The following AKAP6 variants were observed in gnomAD, a reference collection of about 807,000 sequenced individuals.
AKAP6 encodes the protein A-kinase anchor protein 6.
Under a neutral mutation model 188.5 loss-of-function variants are expected in AKAP6, and 58 were observed. The ratio of observed to expected loss-of-function variants is 0.31; its 90% CI spans 0.25 to 0.38. The LOEUF is 0.38. Ranked by LOEUF, AKAP6 falls within the 10% of genes least tolerant of loss-of-function variation. AKAP6 has a pLI of 1.00. For synonymous variants in AKAP6, 989 were observed against 998.6 expected (o/e 0.99, Z 0.18); for missense variants, 2,710 against 2,740.0 (o/e 0.99, Z 0.24).
intron 7 of AKAP6, among the ~76,000 whole-genome samples, chr14:32,623,470 C>T (rs1886893748): frequency 1.3e-5 from 2 of 152,082 alleles, no homozygotes; most frequent in South Asian, 4.2e-4. Flanking sequence ...ACTTCTTACC[C>T]ATTAATTCTG....
chr14:32,543,349 A>G (rs971729258), intron 3 of AKAP6, among the ~76,000 whole-genome samples: 2 of 152,224 alleles, frequency 1.3e-5, no homozygotes, highest in Admixed American at 6.5e-5. Context: ...CTTCAAGCTC[A>G]TACATGTTGT....
chr14:32,353,337 CAG>C (rs1421868243), intron 1 of AKAP6, among the ~76,000 whole-genome samples: 4 of 152,076 alleles, frequency 2.6e-5, no homozygotes, highest in Admixed American at 6.6e-5. Context: ...CCGAGGTGGG[CAG>C]ACATGAGGTC....
chr14:32,824,017 G>T lies in AKAP6; in HGVS notation c.6204G>T (p.Ser2068=). Residue 2068 remains serine (S), a synonymous_variant, in exon 13 of 14, where the codon TCG becomes TCT. Transcript: ENST00000280979. ...NFVKEIIDMA[S]TALKSKSQPE... ...TTAAGGAAATCATTGACATGGCTTC[G>T]ACAGCCCTAAAAAGTAAATCTCAAC... 6.2e-7 allele frequency: 1 copy of T among 1,613,860 alleles called. No individual in the cohort carries two copies.
At chr14:32,771,103 A>C (rs1338943422) in intron 11 of AKAP6, among the ~76,000 whole-genome samples, 2 of 152,202 alleles carry the variant, frequency 1.3e-5, no homozygotes, top group African/African-American at 2.4e-5. Flanking sequence ...TTTTATTATG[A>C]ATTTTTGATT....
chr14:32,779,221 C>A (rs2033162277), intron 12 of AKAP6, among the ~76,000 whole-genome samples: 1 of 151,672 alleles, frequency 6.6e-6, no homozygotes, highest in African/African-American at 2.4e-5. Flanking sequence ...CATGGTGAAA[C>A]CCCGTCACTA....
chr14:32,815,680 A>G (rs2034359647), intron 12 of AKAP6, among the ~76,000 whole-genome samples: 1 of 152,298 alleles, frequency 6.6e-6, no homozygotes, highest in East Asian at 1.9e-4. Flanking sequence ...AGTCTTAAAC[A>G]CTGTTAACGG....
chr14:32,501,676 A>G (rs1431957800), intron 2 of AKAP6, among the ~76,000 whole-genome samples: 3 of 152,160 alleles, frequency 2.0e-5, no homozygotes, highest in African/African-American at 7.2e-5. Flanking sequence ...ATTGATGCCC[A>G]GGCAGATTAA....
chr14:32,601,037 TAAGGGTGAGAGA>T (rs1253586718), intron 7 of AKAP6, among the ~76,000 whole-genome samples: 6 of 152,214 alleles, frequency 3.9e-5, no homozygotes, highest in African/African-American at 1.4e-4. Context: ...GACAGTACTT[TAAGGGTGAGAGA>T]AAGGGGGACA....
At chr14:32,555,303 G>C (rs1369997242) in intron 4 of AKAP6, among the ~76,000 whole-genome samples, 3 of 149,500 alleles carry the variant, frequency 2.0e-5, no homozygotes, top group African/African-American at 7.6e-5. Context: ...TGAAGGTAGA[G>C]AAGTTTTTCC....
intron 2 of AKAP6, among the ~76,000 whole-genome samples, chr14:32,504,117 A>G (rs1880741850): frequency 6.6e-6 from 1 of 151,888 alleles, no homozygotes; most frequent in South Asian, 2.1e-4. Context: ...AGTACTTTAA[A>G]GTTTTCTTCA....
At chr14:32,494,388 A>G (rs1474570245) in intron 2 of AKAP6, 1 of 152,182 alleles carries the variant, frequency 6.6e-6, no homozygotes, top group Non-Finnish European at 1.5e-5. Context: ...AGGAGGCACT[A>G]TGCGTTTTCC....
chr14:32,383,087 A>ATGTGTG (rs3031402), intron 1 of AKAP6, among the ~76,000 whole-genome samples: 96 of 143,266 alleles, frequency 6.7e-4, no homozygotes, highest in African/African-American at 1.4e-3. Flanking sequence ...GGCAGATTTT[A>ATGTGTG]TGTGTGTGTG....
chr14:32,593,509 G>C (rs1460793894), intron 5 of AKAP6, among the ~76,000 whole-genome samples: 2 of 152,180 alleles, frequency 1.3e-5, no homozygotes, highest in Admixed American at 6.5e-5. Flanking sequence ...AAAAATAGAA[G>C]GGACACATCT....
intron 12 of AKAP6, among the ~76,000 whole-genome samples, chr14:32,808,821 T>C (rs1400842480): frequency 3.3e-5 from 5 of 152,210 alleles, no homozygotes; most frequent in Admixed American, 3.3e-4. Flanking sequence ...TCATGTTTGG[T>C]GTGCAGTAAT....
intron 2 of AKAP6, among the ~76,000 whole-genome samples, chr14:32,436,830 G>A (rs566786977): frequency 6.6e-6 from 1 of 152,218 alleles, no homozygotes; most frequent in South Asian, 2.1e-4. Context: ...CAGCTTCTCT[G>A]GAGGCTGAGA....
At chr14:32,397,933 T>C (rs1322470898) in intron 1 of AKAP6, among the ~76,000 whole-genome samples, 1 of 152,212 alleles carries the variant, frequency 6.6e-6, no homozygotes, top group Non-Finnish European at 1.5e-5. Context: ...CTGTCTCTTT[T>C]TACTTTTCAT....
chr14:32,755,033 CATG>C (rs1357615670), intron 11 of AKAP6, among the ~76,000 whole-genome samples: 2 of 152,032 alleles, frequency 1.3e-5, no homozygotes, highest in African/African-American at 4.8e-5. Context: ...TCTGAATGTT[CATG>C]TCCCTCTTCA....
chr14:32,449,465 T>G (rs529404778), intron 2 of AKAP6, among the ~76,000 whole-genome samples: 34 of 142,912 alleles, frequency 2.4e-4, no homozygotes, highest in African/African-American at 8.3e-4. Context: ...GAGGTTGCAG[T>G]GAGCCAAGAT....
At chr14:32,547,239 T>C (rs969760566) in intron 4 of AKAP6, among the ~76,000 whole-genome samples, 1 of 152,262 alleles carries the variant, frequency 6.6e-6, no homozygotes, top group African/African-American at 2.4e-5. Flanking sequence ...TAGAATTCTT[T>C]GTTGAAATTG....
Sources: allele counts gnomAD v4.1 joint callset (sites outside exome capture counted in the v4.1 genomes callset), GRCh38; gene constraint gnomAD v4.1.1; transcripts MANE v1.5; gene names NCBI Gene and HGNC (gene_info 2026-07-23, HGNC 2026-07-21).